Variants in SGCZ observed in about 807,000 individuals in gnomAD.
SGCZ encodes the protein zeta-sarcoglycan.
SGCZ carries 40 observed loss-of-function variants against 41.3 expected under a neutral mutation model. The ratio of observed to expected loss-of-function variants is 0.97; its 90% CI spans 0.75 to 1.26. The LOEUF is 1.26. Among genes scored for constraint, SGCZ ranks in the 50% most tolerant of loss-of-function variants. The pLI, the probability that SGCZ is intolerant of heterozygous loss-of-function variation, is 0.00. For synonymous variants in SGCZ, 206 were observed against 137.5 expected (o/e 1.50, Z -3.49); for missense variants, 552 against 369.8 (o/e 1.49, Z -4.04).
Position 15,232,397 on chromosome 8 carries a change from T to C in SGCZ, c.39+5188A>G, listed in dbSNP as rs114118408. ...AGATCAGCAAAACTGTAATAGCCAG[T>C]ATGTAGGCTGGAACATATGCTAAGT... On this transcript the variant is annotated intron_variant, in intron 1 of 7. Coordinates refer to ENST00000382080, the MANE Select transcript of SGCZ (RefSeq NM_139167.4). Among the ~76,000 whole-genome samples, 583 of 152,238 alleles carry C rather than the reference T, an allele frequency of 3.8e-3. 2 individuals are homozygous for C. The highest frequency in any genetic ancestry group is 0.013 in the African/African-American group (554 of 41,550).
intron 1 of SGCZ, among the ~76,000 whole-genome samples, chr8:14,698,616 T>C (rs1809038976): frequency 6.6e-6 from 1 of 151,938 alleles, no homozygotes; most frequent in African/African-American, 2.4e-5. Flanking sequence ...GTTTTCTGCA[T>C]TTAGCATATG....
chr8:14,652,652 T>A (rs1807443658), intron 1 of SGCZ, among the ~76,000 whole-genome samples: 1 of 152,060 alleles, frequency 6.6e-6, no homozygotes, highest in Non-Finnish European at 1.5e-5. Context: ...CTATGTGCCA[T>A]TTTGTCTTTG....
intron 1 of SGCZ, among the ~76,000 whole-genome samples, chr8:14,766,614 T>A (rs907521280): frequency 6.6e-6 from 1 of 151,956 alleles, no homozygotes; most frequent in South Asian, 2.1e-4. Flanking sequence ...CAGGCTGGAG[T>A]GCAGTACTGC....
chr8:15,119,347 A>G (rs1356971078), intron 1 of SGCZ, among the ~76,000 whole-genome samples: 2 of 151,878 alleles, frequency 1.3e-5, no homozygotes, highest in Non-Finnish European at 2.9e-5. Flanking sequence ...CCTAGACAAT[A>G]TGGTGAAACC....
intron 1 of SGCZ, among the ~76,000 whole-genome samples, chr8:15,232,076 C>T (rs1032340669): frequency 6.6e-6 from 1 of 152,256 alleles, no homozygotes; most frequent in East Asian, 1.9e-4. Flanking sequence ...AAACAGTTAC[C>T]AATTTAAATG....
At chr8:14,316,467 C>T (rs1432424809) in intron 3 of SGCZ, among the ~76,000 whole-genome samples, 1 of 151,596 alleles carries the variant, frequency 6.6e-6, no homozygotes, top group Non-Finnish European at 1.5e-5. Flanking sequence ...ACATAATAGG[C>T]CTGACTCAAC....
chr8:14,778,989 T>C (rs567999670), intron 1 of SGCZ, among the ~76,000 whole-genome samples: 1 of 152,328 alleles, frequency 6.6e-6, no homozygotes, highest in Admixed American at 6.5e-5. Flanking sequence ...AGAGTGATTC[T>C]TACATGCATA....
chr8:14,124,286 CCTCTCTCT>C (rs144892090), intron 5 of SGCZ, among the ~76,000 whole-genome samples: 8 of 151,912 alleles, frequency 5.3e-5, no homozygotes, highest in African/African-American at 1.9e-4. Context: ...CCCTCTTTCT[CCTCTCTCT>C]CTCTCCCTTT....
chr8:14,986,478 A>G (rs1801828716), intron 1 of SGCZ, among the ~76,000 whole-genome samples: 1 of 152,116 alleles, frequency 6.6e-6, no homozygotes, highest in African/African-American at 2.4e-5. Flanking sequence ...TCAAATCCCC[A>G]GCAGTAATTG....
intron 3 of SGCZ, 118 bp downstream of exon 3, chr8:14,323,985 T>C: frequency 1.6e-6 from 1 of 623,972 alleles, no homozygotes; most frequent in Non-Finnish European, 2.7e-6. Context: ...ACATAGGTGT[T>C]TAGCTTAAGG....
intron 1 of SGCZ, among the ~76,000 whole-genome samples, chr8:14,788,864 GC>G (rs1335809582): frequency 1.1e-4 from 17 of 152,076 alleles, no homozygotes; most frequent in African/African-American, 4.1e-4. Flanking sequence ...TAACCCCAGT[GC>G]TTTGGGTAGC....
In SGCZ at chr8:14,848,816, T is replaced by C. The variant is rs188702142; in HGVS notation, c.40-293890A>G. Reference sequence around the variant, plus strand: ...CTTAAGAACCGTCCCAGAAGCACAATCAATAAAAGGACAAAAGGATAAAAT... The same window carrying C: ...CTTAAGAACCGTCCCAGAAGCACAACCAATAAAAGGACAAAAGGATAAAAT... On this transcript the variant is annotated intron_variant, in intron 1 of 7. Transcript: ENST00000382080. Among the ~76,000 whole-genome samples, 4 of 152,206 alleles carry C rather than the reference T, an allele frequency of 2.6e-5. No individual in the cohort carries two copies. In the East Asian group the frequency reaches 7.7e-4, roughly 29 times the overall value.
chr8:14,618,309 G>C (rs1351961775), intron 1 of SGCZ, among the ~76,000 whole-genome samples: 1 of 152,160 alleles, frequency 6.6e-6, no homozygotes, highest in Non-Finnish European at 1.5e-5. Flanking sequence ...GTTGAATAGA[G>C]CCCATTGCAT....
chr8:15,188,460 G>A (rs926298168), intron 1 of SGCZ, among the ~76,000 whole-genome samples: 2 of 152,092 alleles, frequency 1.3e-5, no homozygotes, highest in African/African-American at 2.4e-5. Context: ...CAGTTTCACT[G>A]GGGACAATTT....
chr8:15,170,233 C>G (rs569275340), intron 1 of SGCZ, among the ~76,000 whole-genome samples: 1 of 152,256 alleles, frequency 6.6e-6, no homozygotes, highest in Non-Finnish European at 1.5e-5. Flanking sequence ...AGTTTCCTGG[C>G]CACCTTGACT....
chr8:14,976,057 C>G lies in SGCZ; in HGVS notation c.39+261528G>C, dbSNP rs556356130. On this transcript the variant is annotated intron_variant, in intron 1 of 7. Transcript: ENST00000382080. ...TTTTTTTCTGAGATGGAGCCTCAAT[C>G]TGTCGCTCAAGCTGTAGTGCAGTGG... Among the ~76,000 whole-genome samples, 14 of 148,582 alleles carry G rather than the reference C, an allele frequency of 9.4e-5. No homozygotes were observed. The East Asian group carries it at 2.6e-3, about 27-fold the overall frequency.
intron 1 of SGCZ, among the ~76,000 whole-genome samples, chr8:14,860,663 AGAAAGAGG>A (rs1803703262): frequency 6.6e-6 from 1 of 151,220 alleles, no homozygotes; most frequent in African/African-American, 2.4e-5. Context: ...AAAGAAAGAA[AGAAAGAGG>A]GAAAGAGAGA....
At chr8:14,627,204 A>G (rs1364559038) in intron 1 of SGCZ, among the ~76,000 whole-genome samples, 2 of 152,186 alleles carry the variant, frequency 1.3e-5, no homozygotes, top group African/African-American at 4.8e-5. Flanking sequence ...TAAACTTTCT[A>G]CTTTGATCTT....
intron 1 of SGCZ, among the ~76,000 whole-genome samples, chr8:15,169,174 CG>C (rs1192876875): frequency 6.6e-6 from 1 of 152,194 alleles, no homozygotes; most frequent in Non-Finnish European, 1.5e-5. Context: ...CCCAAAACAG[CG>C]CCCCCTGTCA....
Sources: allele counts gnomAD v4.1 joint callset (sites outside exome capture counted in the v4.1 genomes callset), GRCh38; gene constraint gnomAD v4.1.1; transcripts MANE v1.5; gene names NCBI Gene and HGNC (gene_info 2026-07-23, HGNC 2026-07-21).